TP63: variants seen among roughly 807,000 people sequenced by gnomAD.
TP63 encodes the protein tumor protein 63.
A neutral mutation model predicts 82.8 loss-of-function variants in TP63; 17 were observed. The ratio of observed to expected loss-of-function variants is 0.21; its 90% CI spans 0.14 to 0.31. TP63 has a LOEUF of 0.31. Among genes scored for constraint, TP63 ranks in the 10% least tolerant of loss-of-function variants. The pLI is 1.00. For synonymous variants in TP63, 330 were observed against 321.7 expected, an observed-to-expected ratio of 1.03 and a Z score of -0.28; for missense variants, 648 against 895.3, an observed-to-expected ratio of 0.72 and a Z score of 3.52.
the TP63 span, among the ~76,000 whole-genome samples, chr3:189,621,702 G>A: frequency 1.3e-5 from 2 of 151,620 alleles, no homozygotes; most frequent in Non-Finnish European, 2.9e-5. Context: ...GTCTTGATCT[G>A]GAAAAGAAGG....
At chr3:189,813,737 T>C (rs552344183) in intron 4 of TP63, among the ~76,000 whole-genome samples, 223 of 152,296 alleles carry the variant, frequency 1.5e-3, no homozygotes, top group African/African-American at 5.2e-3. Flanking sequence ...GACTCCCTGA[T>C]CTAGTGCCCA....
the TP63 span, among the ~76,000 whole-genome samples, chr3:189,607,635 TA>T: frequency 6.6e-6 from 1 of 151,728 alleles, no homozygotes; most frequent in Non-Finnish European, 1.5e-5. Context: ...GTTTCTATTA[TA>T]AGATTAAATG....
At chr3:189,844,651 A>G (rs1407739340) in intron 4 of TP63, among the ~76,000 whole-genome samples, 1 of 152,186 alleles carries the variant, frequency 6.6e-6, no homozygotes, top group Non-Finnish European at 1.5e-5. Flanking sequence ...AATGTTTTTC[A>G]AGTGAGTTTT....
the TP63 span, among the ~76,000 whole-genome samples, chr3:189,610,903 G>A: frequency 6.6e-6 from 1 of 152,132 alleles, no homozygotes; most frequent in East Asian, 1.9e-4. Context: ...TACATGAATG[G>A]CAGCAGGCAA....
chr3:189,831,983 C>T (rs552317952), intron 4 of TP63, among the ~76,000 whole-genome samples: 1 of 151,790 alleles, frequency 6.6e-6, no homozygotes, highest in East Asian at 1.9e-4. Context: ...AGGCATGCAC[C>T]ACCACTCCCG....
chr3:189,871,691 A>G (rs1329879463), intron 9 of TP63, among the ~76,000 whole-genome samples: 1 of 151,982 alleles, frequency 6.6e-6, no homozygotes, highest in Non-Finnish European at 1.5e-5. Context: ...CTCTTGCCTC[A>G]CTCTAGTCCT....
At chr3:189,806,078 C>T (rs916457041) in intron 3 of TP63, among the ~76,000 whole-genome samples, 3 of 116,456 alleles carry the variant, frequency 2.6e-5, no homozygotes, top group African/African-American at 1.0e-4. Flanking sequence ...GCCCCTTACA[C>T]GGAATTGTCC....
At chr3:189,852,206 C>T (rs1715725728) in intron 4 of TP63, among the ~76,000 whole-genome samples, 1 of 152,134 alleles carries the variant, frequency 6.6e-6, no homozygotes, top group Non-Finnish European at 1.5e-5. Flanking sequence ...TTTTCTGTTG[C>T]TTTTAGATCT....
chr3:189,867,787 C>T (rs1394416813), intron 6 of TP63, 46 bp from the exon 7 acceptor site: 1 of 1,529,150 alleles, frequency 6.5e-7, no homozygotes, highest in Non-Finnish European at 9.1e-7. Context: ...GGAACAACGT[C>T]AGTTTAAACC....
intron 1 of TP63, among the ~76,000 whole-genome samples, chr3:189,728,470 G>T (rs1331664240): frequency 6.6e-6 from 1 of 152,198 alleles, no homozygotes; most frequent in Non-Finnish European, 1.5e-5. Context: ...GGTGAGCTCA[G>T]TGTTGGCAAA....
intron 3 of TP63, among the ~76,000 whole-genome samples, chr3:189,787,457 C>A (rs886610539): frequency 1.3e-5 from 2 of 152,106 alleles, no homozygotes; most frequent in Non-Finnish European, 2.9e-5. Context: ...TTTCTTCCAA[C>A]ATACTCAAAG....
intron 4 of TP63, among the ~76,000 whole-genome samples, chr3:189,834,425 C>T (rs1204702642): frequency 6.6e-6 from 1 of 152,064 alleles, no homozygotes; most frequent in Non-Finnish European, 1.5e-5. Flanking sequence ...TGCTTATGCA[C>T]TTGCTAATAA....
intron 1 of TP63, among the ~76,000 whole-genome samples, chr3:189,735,504 A>G (rs1219435826): frequency 6.6e-6 from 1 of 152,196 alleles, no homozygotes. Context: ...ACACGGTTCA[A>G]TCAAGCTGGA....
At chr3:189,776,769 G>T (rs1285833250) in intron 3 of TP63, among the ~76,000 whole-genome samples, 3 of 152,218 alleles carry the variant, frequency 2.0e-5, no homozygotes, top group African/African-American at 7.2e-5. Context: ...ATTGTTTGCT[G>T]AGGGTCAGAG....
intron 1 of TP63, among the ~76,000 whole-genome samples, chr3:189,649,999 G>T (rs1443881574): frequency 6.8e-6 from 1 of 147,270 alleles, no homozygotes; most frequent in Non-Finnish European, 1.5e-5. Flanking sequence ...AGGGGCTATT[G>T]TTCTATATGA....
intron 4 of TP63, among the ~76,000 whole-genome samples, chr3:189,839,834 C>G (rs1713717267): frequency 6.6e-6 from 1 of 152,164 alleles, no homozygotes; most frequent in South Asian, 2.1e-4. Flanking sequence ...ATGAGTCACA[C>G]AAGGTTTTGC....
chr3:189,821,496 A>C (rs1231489076), intron 4 of TP63, among the ~76,000 whole-genome samples: 1 of 152,336 alleles, frequency 6.6e-6, no homozygotes, highest in East Asian at 1.9e-4. Flanking sequence ...TACCACATGG[A>C]GGATGCTTCA....
chr3:189,790,326 T>C (rs1301542588), intron 3 of TP63, among the ~76,000 whole-genome samples: 1 of 152,072 alleles, frequency 6.6e-6, no homozygotes, highest in East Asian at 1.9e-4. Flanking sequence ...ATCTTCGTTT[T>C]TAAGTCTGTC....
chr3:189,715,717 A>G (rs1318056707), intron 1 of TP63, among the ~76,000 whole-genome samples: 1 of 152,240 alleles, frequency 6.6e-6, no homozygotes, highest in Admixed American at 6.5e-5. Context: ...ATAAACCACA[A>G]TGAATCTTAT....
Sources: gnomAD v4.1 joint callset for allele counts (sites outside exome capture counted in the v4.1 genomes callset) on GRCh38, gnomAD v4.1.1 for gene constraint, MANE v1.5 for transcripts, NCBI Gene and HGNC (gene_info 2026-07-23, HGNC 2026-07-21) for gene names.